COL6A3: variants seen among roughly 807,000 people sequenced by gnomAD.
COL6A3 encodes the protein collagen type VI alpha 3 chain, also known as collagen alpha-3(VI) chain.
COL6A3 carries 137 observed loss-of-function variants against 274.1 expected under a neutral mutation model. The ratio of observed to expected loss-of-function variants is 0.50; its 90% CI spans 0.44 to 0.58. COL6A3 has a LOEUF of 0.58. Ranked by LOEUF, COL6A3 falls within the 20% of genes least tolerant of loss-of-function variation. The pLI, the probability that COL6A3 is intolerant of heterozygous loss-of-function variation, is 0.00. For synonymous variants in COL6A3, 1,650 were observed against 1,650.6 expected (o/e 1.00, Z 0.01); for missense variants, 3,950 against 4,124.9 (o/e 0.96, Z 1.16).
intron 1 of COL6A3, among the ~76,000 whole-genome samples, chr2:237,404,511 G>A (rs1290474114): frequency 6.6e-6 from 1 of 152,148 alleles, no homozygotes; most frequent in African/African-American, 2.4e-5. Flanking sequence ...GAGGCTCTTT[G>A]TAAAGCATTC....
intron 14 of COL6A3, among the ~76,000 whole-genome samples, chr2:237,362,730 GAGGTCACACCTC>G (rs1025003288): frequency 2.0e-5 from 3 of 152,180 alleles, no homozygotes; most frequent in African/African-American, 7.2e-5. Context: ...CTAAACCCAG[GAGGTCACACCTC>G]CAGCTGAGAG....
At chr2:237,333,617 C>T (rs755774743) in intron 41 of COL6A3, 69 bp from the exon 42 acceptor site, 9 of 1,355,336 alleles carry the variant, frequency 6.6e-6, no homozygotes, top group Non-Finnish European at 9.5e-6. Flanking sequence ...TCCTTAGTGA[C>T]TGATATAAGG....
Position 237,366,767 on chromosome 2 carries a change from T to A in COL6A3, c.5420A>T (p.Glu1807Val), listed in dbSNP as rs2077563075. 6.2e-7 allele frequency: 1 copy of A among 1,614,252 alleles called. No homozygotes were observed. The highest frequency in any genetic ancestry group is 8.5e-7 in the Non-Finnish European group (1 of 1,180,038). The change falls in exon 11 of 44, where the codon GAA becomes GTA. Residue 1807 changes from glutamate to valine, a missense_variant. Physicochemically the swap from Glu to Val is moderately radical, Grantham distance 121 (BLOSUM62 -2). Transcript: ENST00000295550. ...FRVGNVQELSELSEQVLETLH... is the reference protein window; with the variant it reads ...FRVGNVQELSVLSEQVLETLH... Reference sequence around the variant, plus strand: ...AGTTTCCAAAACTTGCTCGCTCAGTTCGGACAGCTCCTGGACGTTGCCCAC... The same window carrying A: ...AGTTTCCAAAACTTGCTCGCTCAGTACGGACAGCTCCTGGACGTTGCCCAC...
In COL6A3 at chr2:237,339,127, A is replaced by G. The variant is rs576099092; in HGVS notation, c.8465-10T>C. 6.3e-7 allele frequency: 1 copy of G among 1,587,604 alleles called. No individual in the cohort carries two copies. The highest frequency in any genetic ancestry group is 1.7e-5 in the Admixed American group (1 of 59,978). On this transcript the variant is annotated splice_polypyrimidine_tract_variant and intron_variant, in intron 38 of 43. Transcript: ENST00000295550. ...TAAAAAGCATTTTCACCTAAAGAAA[A>G]AAAACAAAGAAAACAATTGAACCGC...
chr2:237,349,593 G>T (rs2077164165), intron 28 of COL6A3, among the ~76,000 whole-genome samples: 1 of 132,660 alleles, frequency 7.5e-6, no homozygotes, highest in Admixed American at 7.5e-5. Context: ...AAGTCACAAT[G>T]GACCGTAGAT....
In COL6A3 at chr2:237,388,189, A is replaced by T. The variant is rs1198615551; in HGVS notation, c.710-5T>A. On this transcript the variant is annotated splice_polypyrimidine_tract_variant and splice_region_variant and intron_variant, in intron 3 of 43. Coordinates refer to ENST00000295550, the MANE Select transcript of COL6A3 (RefSeq NM_004369.4). ...TAATGTCAGCAGAGTCTTGTGCTTTAAAAGAAAGAAATGCAAAAAATGTGA... is the reference window on the plus strand; with the variant it reads ...TAATGTCAGCAGAGTCTTGTGCTTTTAAAGAAAGAAATGCAAAAAATGTGA... The T allele has an allele frequency of 3.7e-6, 6 of 1,613,824 alleles. No individual in the cohort carries two copies. The highest frequency in any genetic ancestry group is 3.4e-6 in the Non-Finnish European group (4 of 1,180,048).
chr2:237,368,754 C>T lies in COL6A3; in HGVS notation c.4709G>A (p.Ser1570Asn), dbSNP rs1473351823. ...GATGTTCCGGTCTCCTACCCCTAAACTCACAATGCCCGAGGAACGGATCAC... is the reference window on the plus strand; with the variant it reads ...GATGTTCCGGTCTCCTACCCCTAAATTCACAATGCCCGAGGAACGGATCAC... ...AQVIRSSGIV[S>N]LGVGDRNIDR... Residue 1570 changes from serine (S) to asparagine (N), a missense_variant, in exon 10 of 44, where the codon AGT (serine) becomes AAT (asparagine). Around this residue, in one of 5 missense-constraint regions of COL6A3, gnomAD observed 632 missense variants for 623.4 expected, o/e 1.01. Coordinates refer to ENST00000295550, the MANE Select transcript of COL6A3 (RefSeq NM_004369.4). The surrounding 1 kb of genome is among the most constrained non-coding windows in gnomAD (Gnocchi z 4.4). 1.2e-6 allele frequency: 2 copies of T among 1,614,236 alleles called. No individual in the cohort carries two copies. The highest frequency in any genetic ancestry group is 1.7e-6 in the Non-Finnish European group (2 of 1,180,042).
intron 3 of COL6A3, among the ~76,000 whole-genome samples, chr2:237,394,242 C>A (rs1371230406): frequency 6.6e-6 from 1 of 152,176 alleles, no homozygotes; most frequent in African/African-American, 2.4e-5. Context: ...GATCCCAACA[C>A]CAAATAGAGG....
rs370194938 is a variant in COL6A3 at position 237,371,719 on chromosome 2, G to GC, written c.4285+12dup. ...AAATGCTCCAAGGAGAACCTCCGACGCCCCCATCTCACCTGGAGGTGGATA... is the reference window on the plus strand; with the variant it reads ...AAATGCTCCAAGGAGAACCTCCGACGCCCCCCATCTCACCTGGAGGTGGATA... On this transcript the variant is annotated intron_variant, in intron 9 of 43. Transcript: ENST00000295550. The surrounding 1 kb of genome is among the most constrained non-coding windows in gnomAD (Gnocchi z 4.3). 44 of 1,575,074 alleles carry GC rather than the reference G, an allele frequency of 2.8e-5. No individual in the cohort carries two copies. The highest frequency in any genetic ancestry group is 3.7e-5 in the Non-Finnish European group (43 of 1,158,604).
intron 5 of COL6A3, among the ~76,000 whole-genome samples, chr2:237,379,852 T>A (rs1461653632): frequency 6.6e-6 from 1 of 152,202 alleles, no homozygotes; most frequent in Non-Finnish European, 1.5e-5. Context: ...AACAGGGGAA[T>A]TCCCCCAAAG....
At chr2:237,375,833 G>A (rs57404246) in intron 7 of COL6A3, among the ~76,000 whole-genome samples, 2,056 of 152,258 alleles carry the variant, frequency 0.014, 60 homozygotes, top group African/African-American at 0.046. Flanking sequence ...GTGAGCCACC[G>A]CACCCGGCCT....
Position 237,371,336 on chromosome 2 carries a change from C to T in COL6A3, c.4285+396G>A, listed in dbSNP as rs1451547388. ...AAGGTGCTGGGCGCGGTGTCTCAGGCCTGTAATCCCAGCACTTTGGGAGGC... is the reference window on the plus strand; with the variant it reads ...AAGGTGCTGGGCGCGGTGTCTCAGGTCTGTAATCCCAGCACTTTGGGAGGC... On this transcript the variant is annotated intron_variant, in intron 9 of 43. Coordinates refer to ENST00000295550, the MANE Select transcript of COL6A3 (RefSeq NM_004369.4). The surrounding 1 kb of genome is among the most constrained non-coding windows in gnomAD (Gnocchi z 4.3). 2.6e-5 allele frequency among the ~76,000 whole-genome samples: 4 copies of T among 152,176 alleles called. No homozygotes were observed. Among genetic ancestry groups the T allele is most frequent in the Admixed American group, 6.5e-5 (1 of 15,278 alleles).
intron 38 of COL6A3, among the ~76,000 whole-genome samples, chr2:237,339,496 G>C (rs563156970): frequency 6.6e-4 from 101 of 152,292 alleles, no homozygotes; most frequent in Non-Finnish European, 1.2e-3. Context: ...GTTGAACAAA[G>C]CTTTTGTTTT....
chr2:237,340,435 T>C lies in COL6A3; in HGVS notation c.8464+17A>G. ...TAAAGCCAGGCCAGGGCACATGCTGTGCCACGCAGGACTTACTGCTGACGA... is the reference window on the plus strand; with the variant it reads ...TAAAGCCAGGCCAGGGCACATGCTGCGCCACGCAGGACTTACTGCTGACGA... On this transcript the variant is annotated intron_variant, in intron 38 of 43. Coordinates refer to ENST00000295550, the MANE Select transcript of COL6A3 (RefSeq NM_004369.4). The C allele has an allele frequency of 6.2e-7, 1 of 1,608,910 alleles. No homozygotes were observed. The highest frequency in any genetic ancestry group is 1.3e-5 in the African/African-American group (1 of 75,014).
rs2078189750 is a variant in COL6A3, at chr2:237,387,902, T to C, written c.992A>G (p.Glu331Gly). ...NIGLALDFVVENHFTRAGGSR... is the reference protein window; with the variant it reads ...NIGLALDFVVGNHFTRAGGSR... ...GCCCCCTGCCCGGGTGAAGTGGTTCTCCACCACGAAATCAAGGGCGAGGCC... is the reference window on the plus strand; with the variant it reads ...GCCCCCTGCCCGGGTGAAGTGGTTCCCCACCACGAAATCAAGGGCGAGGCC... Residue 331 changes from glutamate (E) to glycine (G), a missense_variant, in exon 4 of 44, where the codon GAG (glutamate) becomes GGG (glycine). By Grantham distance (98) the Glu-to-Gly change is moderately conservative. This residue lies in a region of COL6A3 where 1,934 missense variants were observed against 1,984.3 expected (regional missense o/e 0.97). Coordinates refer to ENST00000295550, the MANE Select transcript of COL6A3 (RefSeq NM_004369.4). The C allele has an allele frequency of 1.2e-6, 2 of 1,614,142 alleles. No individual in the cohort carries two copies. The highest frequency in any genetic ancestry group is 1.7e-6 in the Non-Finnish European group (2 of 1,179,996).
At position 237,381,085 on chromosome 2, in the gene COL6A3, C is replaced by T. The variant is rs1291470412; in HGVS notation, c.1727G>A (p.Ser576Asn). ...SQPAQELKRSSIMAFAIGNKG... is the reference protein window; with the variant it reads ...SQPAQELKRSNIMAFAIGNKG... ...GTTCCCAATGGCAAAGGCCATTATG[C>T]TGCTTCTCTTCAGCTCCTGGGCAGG... is the stretch of plus-strand genomic sequence containing the variant. The change falls in exon 5 of 44, where the codon AGC becomes AAC. Residue 576 changes from serine (S) to asparagine (N), a missense_variant. Transcript: ENST00000295550. 4.3e-6 allele frequency: 7 copies of T among 1,614,126 alleles called. No homozygotes were observed. The Admixed American group carries it at 8.3e-5, about 19-fold the overall frequency.
intron 5 of COL6A3, 64 bp from the exon 6 acceptor site, chr2:237,379,299 C>T: frequency 1.9e-6 from 3 of 1,595,256 alleles, no homozygotes; most frequent in Non-Finnish European, 1.7e-6. Context: ...ATCATGTGTG[C>T]CTACAACACG....
At chr2:237,329,910 G>A (rs1228517464) in intron 42 of COL6A3, 4 of 152,118 alleles carry the variant, frequency 2.6e-5, no homozygotes, top group Non-Finnish European at 5.9e-5. Context: ...GTTCCTTCAG[G>A]GCTATACAAT....
At chr2:237,334,000 G>A (rs2106311325) in intron 41 of COL6A3, among the ~76,000 whole-genome samples, 2 of 152,290 alleles carry the variant, frequency 1.3e-5, no homozygotes, top group Admixed American at 1.3e-4. Flanking sequence ...AAGAATGGGA[G>A]GGGGGAACCC....
Sources: gnomAD v4.1 joint callset for allele counts (sites outside exome capture counted in the v4.1 genomes callset) on GRCh38, gnomAD v4.1.1 for gene constraint, gnomAD v4.1.1 regional missense constraint, Gnocchi (gnomAD v3.1) non-coding constraint, MANE v1.5 for transcripts, NCBI Gene and HGNC (gene_info 2026-07-23, HGNC 2026-07-21) for gene names.